The following NAV3 variants were observed in gnomAD, a reference collection of about 807,000 sequenced individuals.
The protein encoded by NAV3 is pore membrane and/or filament interacting like protein 1.
Under a neutral mutation model 244.7 loss-of-function variants are expected in NAV3, and 87 were observed. That is an observed-to-expected ratio of 0.36 (90% confidence interval 0.30 to 0.42). The LOEUF is 0.42. NAV3 is among the 20% of genes least tolerant of loss of function. NAV3 has a pLI of 1.00. For synonymous variants in NAV3, 1,126 were observed against 1,042.2 expected (o/e 1.08, Z -1.55); for missense variants, 2,663 against 2,893.3 (o/e 0.92, Z 1.83).
chr12:77,888,425 C>T (rs528847784), intron 1 of NAV3, among the ~76,000 whole-genome samples: 4 of 152,046 alleles, frequency 2.6e-5, no homozygotes, highest in Non-Finnish European at 5.9e-5. Context: ...TGCAGTGAGC[C>T]GCGATCATGT....
intron 39 of NAV3, 90 bp downstream of exon 39, chr12:78,205,228 T>G (rs1960169335): frequency 1.5e-6 from 2 of 1,309,376 alleles, no homozygotes; most frequent in African/African-American, 3.0e-5. Flanking sequence ...AGACATTTGT[T>G]ATCCTAAGCA....
At chr12:77,612,850 T>C (rs1254266068) in intron 2 of NAV3, among the ~76,000 whole-genome samples, 1 of 152,080 alleles carries the variant, frequency 6.6e-6, no homozygotes, top group East Asian at 1.9e-4. Context: ...TGGGAGATAT[T>C]TGAATCATGG....
intron 2 of NAV3, among the ~76,000 whole-genome samples, chr12:77,748,237 A>G (rs1203900049): frequency 1.3e-5 from 2 of 152,186 alleles, no homozygotes; most frequent in Non-Finnish European, 2.9e-5. Flanking sequence ...GTGGAAAATT[A>G]TATCAGTCAT....
chr12:78,010,734 T>C (rs1875124113), intron 8 of NAV3: 1 of 152,024 alleles, frequency 6.6e-6, no homozygotes, highest in African/African-American at 2.4e-5. Context: ...GTATAAATTA[T>C]ATAAATGTAT....
intron 2 of NAV3, among the ~76,000 whole-genome samples, chr12:77,639,188 T>A (rs570093606): frequency 8.5e-5 from 13 of 152,258 alleles, no homozygotes; most frequent in South Asian, 2.1e-4. Flanking sequence ...TAAACAGATT[T>A]AAAAAAATTT....
chr12:78,197,750 A>G (rs1398294954), intron 35 of NAV3, among the ~76,000 whole-genome samples: 1 of 151,894 alleles, frequency 6.6e-6, no homozygotes, highest in African/African-American at 2.4e-5. Context: ...CAACAACCAT[A>G]TCCCAGGCAC....
Position 78,006,623 on chromosome 12 carries a change from C to T in NAV3, c.1085C>T (p.Ser362Phe), listed in dbSNP as rs372296767. Reference sequence around the variant, plus strand: ...AGTACAGCCACCTCCCCCACACCATCTTCAGACAGACTGAAGCCACCTGTC... The same window carrying T: ...AGTACAGCCACCTCCCCCACACCATTTTCAGACAGACTGAAGCCACCTGTC... ...QSSTATSPTP[S>F]SDRLKPPVSE... The change falls in exon 8 of 40, where the codon TCT (serine) becomes TTT (phenylalanine). Residue 362 changes from serine to phenylalanine, a missense_variant. Ser to Phe is a radical substitution (Grantham distance 155). This residue lies in a region of NAV3 where 1,521 missense variants were observed against 1,497.0 expected (regional missense o/e 1.02). Coordinates refer to ENST00000397909, the MANE Select transcript of NAV3 (RefSeq NM_001024383.2). 10 of 1,614,044 alleles carry T rather than the reference C, an allele frequency of 6.2e-6. No individual in the cohort carries two copies. Among genetic ancestry groups the T allele is most frequent in the Non-Finnish European group, 7.6e-6 (9 of 1,180,046 alleles).
chr12:77,752,818 T>C (rs756217817), intron 2 of NAV3, among the ~76,000 whole-genome samples: 6 of 152,172 alleles, frequency 3.9e-5, no homozygotes, highest in Non-Finnish European at 8.8e-5. Context: ...CAAAATTGAA[T>C]GCACAAAAAA....
At chr12:78,090,814 T>A (rs1487424965) in intron 12 of NAV3, among the ~76,000 whole-genome samples, 4 of 152,106 alleles carry the variant, frequency 2.6e-5, no homozygotes, top group Non-Finnish European at 4.4e-5. Flanking sequence ...ACTTCAAAGA[T>A]AAAAGTCAAA....
intron 2 of NAV3, among the ~76,000 whole-genome samples, chr12:77,723,987 A>C (rs181171478): frequency 1.6e-4 from 24 of 151,828 alleles, no homozygotes; most frequent in Non-Finnish European, 2.9e-4. Context: ...GTATTTTTCT[A>C]TTCATTAATT....
chr12:77,597,043 A>G (rs957404217), intron 2 of NAV3, among the ~76,000 whole-genome samples: 2 of 152,148 alleles, frequency 1.3e-5, no homozygotes, highest in South Asian at 4.1e-4. Context: ...CACTTTCTTT[A>G]ACTCAAAGAG....
At chr12:78,025,115 CACTTCTCCACTGGA>C (rs1566030357) in intron 9 of NAV3, among the ~76,000 whole-genome samples, 3 of 152,134 alleles carry the variant, frequency 2.0e-5, no homozygotes, top group Non-Finnish European at 4.4e-5. Context: ...CTTTTAGCCC[CACTTCTCCACTGGA>C]ACTGCTCTTA....
chr12:77,767,680 C>T (rs560282645), intron 2 of NAV3, among the ~76,000 whole-genome samples: 1 of 152,308 alleles, frequency 6.6e-6, no homozygotes, highest in East Asian at 1.9e-4. Context: ...GCTGTGGGCA[C>T]CTGCCTCTAG....
At chr12:78,025,649 TG>T (rs1445813692) in intron 9 of NAV3, among the ~76,000 whole-genome samples, 6 of 132,662 alleles carry the variant, frequency 4.5e-5, no homozygotes, top group African/African-American at 1.7e-4. Flanking sequence ...ATGTTGTAGG[TG>T]GGGCCTCATG....
At chr12:77,729,800 T>C (rs1592626445) in intron 2 of NAV3, among the ~76,000 whole-genome samples, 1 of 151,908 alleles carries the variant, frequency 6.6e-6, no homozygotes, top group East Asian at 1.9e-4. Flanking sequence ...ATCAGAAATA[T>C]TCTAGACTTC....
intron 2 of NAV3, among the ~76,000 whole-genome samples, chr12:77,739,166 A>G (rs994825603): frequency 3.9e-5 from 6 of 152,134 alleles, no homozygotes; most frequent in African/African-American, 1.4e-4. Context: ...GGATAAAAGC[A>G]TGTATCTCAA....
upstream of NAV3, among the ~76,000 whole-genome samples, chr12:77,829,692 T>C (rs978364898): frequency 6.6e-6 from 1 of 152,224 alleles, no homozygotes; most frequent in African/African-American, 2.4e-5. Flanking sequence ...CCACTTGGGT[T>C]ACTATTTTTA....
intron 24 of NAV3, among the ~76,000 whole-genome samples, chr12:78,174,573 C>A (rs1219258283): frequency 6.6e-6 from 1 of 151,792 alleles, no homozygotes; most frequent in African/African-American, 2.4e-5. Flanking sequence ...TATTGTAAAA[C>A]CTAGTTTGAT....
chr12:77,999,304 CA>C (rs1872843699), intron 7 of NAV3, among the ~76,000 whole-genome samples: 3 of 152,182 alleles, frequency 2.0e-5, no homozygotes, highest in Admixed American at 6.5e-5. Context: ...AATAGAACTT[CA>C]AACTTTTCTT....
Sources: allele counts gnomAD v4.1 joint callset (sites outside exome capture counted in the v4.1 genomes callset), GRCh38; gene constraint gnomAD v4.1.1; regional missense constraint gnomAD v4.1.1; transcripts MANE v1.5; gene names NCBI Gene and HGNC (gene_info 2026-07-23, HGNC 2026-07-21).